TPH1: variants seen among roughly 807,000 people sequenced by gnomAD.
TPH1 encodes the protein tryptophan hydroxylase 1, also known as tryptophan 5-hydroxylase 1.
Under a neutral mutation model 49.5 loss-of-function variants are expected in TPH1, and 37 were observed. The ratio of observed to expected loss-of-function variants is 0.75; its 90% CI spans 0.58 to 0.98. The LOEUF (loss-of-function observed/expected upper bound fraction) is 0.98, where lower values mean the gene tolerates loss of function less well. Among genes scored for constraint, TPH1 ranks in the 50% least tolerant of loss-of-function variants. The pLI is 0.00. For synonymous variants in TPH1, 160 were observed against 182.1 expected (o/e 0.88, Z 0.98); for missense variants, 487 against 523.6 (o/e 0.93, Z 0.68).
At chr11:18,033,018 C>T (rs1309221834) in intron 4 of TPH1, among the ~76,000 whole-genome samples, 1 of 151,994 alleles carries the variant, frequency 6.6e-6, no homozygotes, top group Non-Finnish European at 1.5e-5. Context: ...TTTGGGAGAC[C>T]AAGGCAGGTG....
chr11:18,045,482 C>CCCT (rs1296740991), intron 1 of TPH1, among the ~76,000 whole-genome samples: 3,005 of 149,056 alleles, frequency 0.02, 100 homozygotes, highest in African/African-American at 0.072. Flanking sequence ...CCACCCCCCC[C>CCCT]TTTTTTTTTT....
At chr11:18,042,830 A>G (rs2134036444) in intron 1 of TPH1, among the ~76,000 whole-genome samples, 1 of 152,352 alleles carries the variant, frequency 6.6e-6, no homozygotes, top group African/African-American at 2.4e-5. Flanking sequence ...GCATTTTACA[A>G]GATGGTTAAC....
intron 3 of TPH1, 30 bp downstream of exon 3, chr11:18,035,929 C>T (rs1283083742): frequency 2.6e-6 from 4 of 1,564,162 alleles, no homozygotes; most frequent in Non-Finnish European, 3.5e-6. Flanking sequence ...GTTTCATCTT[C>T]TAAGTAGTAT....
chr11:18,036,010 T>C lies in TPH1; in HGVS notation c.250A>G (p.Thr84Ala). 6.2e-7 allele frequency: 1 copy of C among 1,612,696 alleles called. No homozygotes were observed. Among genetic ancestry groups the C allele is most frequent in the Non-Finnish European group, 8.5e-7 (1 of 1,179,884 alleles). Residue 84 changes from threonine (T) to alanine (A), a missense_variant, in exon 3 of 11, where the codon ACC (threonine) becomes GCC (alanine). Coordinates refer to ENST00000682019, the MANE Select transcript of TPH1 (RefSeq NM_004179.3). ...GGTAGATTCACAGAGAGAACATTGGTATGAGACTTCAGCAGATGAAAAATA... is the reference window on the plus strand; with the variant it reads ...GGTAGATTCACAGAGAGAACATTGGCATGAGACTTCAGCAGATGAAAAATA... ...NDIFHLLKSHTNVLSVNLPDN... is the reference protein window; with the variant it reads ...NDIFHLLKSHANVLSVNLPDN...
At position 18,021,073 on chromosome 11, in the gene TPH1, G is replaced by A. The variant is rs961998158; in HGVS notation, c.1253C>T (p.Thr418Ile). The A allele has an allele frequency of 6.8e-6, 11 of 1,613,974 alleles. No individual in the cohort carries two copies. The African/African-American group carries it at 1.5e-4, about 22-fold the overall frequency. The change falls in exon 11 of 11, where the codon ACC becomes ATC. Residue 418 changes from threonine to isoleucine, a missense_variant. Thr to Ile is a moderately conservative substitution (Grantham distance 89). Coordinates refer to ENST00000682019, the MANE Select transcript of TPH1 (RefSeq NM_004179.3). ...IQILKDTKSITSAMNELQHDL... is the reference protein window; with the variant it reads ...IQILKDTKSIISAMNELQHDL... Reference sequence around the variant, plus strand: ...ATGCTGCAGCTCATTCATGGCACTGGTTATGCTCTTGGTGTCTTTCAGGAT... The same window carrying A: ...ATGCTGCAGCTCATTCATGGCACTGATTATGCTCTTGGTGTCTTTCAGGAT...
chr11:18,032,359 A>C (rs1174879098), intron 4 of TPH1, among the ~76,000 whole-genome samples: 4 of 152,042 alleles, frequency 2.6e-5, no homozygotes, highest in African/African-American at 9.7e-5. Context: ...ACCCATGCTC[A>C]TTTAAATAAA....
At chr11:18,035,135 G>C (rs1267914395) in intron 3 of TPH1, among the ~76,000 whole-genome samples, 1 of 152,236 alleles carries the variant, frequency 6.6e-6, no homozygotes, top group Non-Finnish European at 1.5e-5. Context: ...CCACGGACGA[G>C]TCCCCTGCTA....
rs1848092975 is a variant in TPH1, at chr11:18,040,772, G to A, written c.-10C>T. ...TATTGTCTTCAATCATGATGAATTT[G>A]GAGTAATTCTCTAAAACTAAAGTAT... On this transcript the variant is annotated 5_prime_UTR_variant, in exon 2 of 11. Transcript: ENST00000682019. 8.7e-6 allele frequency: 14 copies of A among 1,610,658 alleles called. No homozygotes were observed. Among genetic ancestry groups the A allele is most frequent in the Non-Finnish European group, 1.1e-5 (13 of 1,178,554 alleles).
chr11:18,033,627 C>G (rs1848015056), intron 3 of TPH1, among the ~76,000 whole-genome samples: 3 of 152,014 alleles, frequency 2.0e-5, no homozygotes, highest in African/African-American at 2.4e-5. Context: ...AAATACTGTA[C>G]TTTAGAAACA....
At chr11:18,022,342 C>T (rs551431872) in intron 10 of TPH1, among the ~76,000 whole-genome samples, 1 of 152,184 alleles carries the variant, frequency 6.6e-6, no homozygotes, top group Non-Finnish European at 1.5e-5. Context: ...CATGCTAACT[C>T]TCAGTCTAAA....
chr11:18,040,220 T>G (rs1848086404), intron 2 of TPH1, among the ~76,000 whole-genome samples: 1 of 148,806 alleles, frequency 6.7e-6, no homozygotes, highest in African/African-American at 2.4e-5. Context: ...TTCTGTAAAT[T>G]GTTTGTATCC....
chr11:18,042,371 A>G (rs546788738), intron 1 of TPH1: 4 of 454,526 alleles, frequency 8.8e-6, no homozygotes, highest in Admixed American at 2.4e-5. Context: ...TACCCATTCA[A>G]TTACCACTCA....
chr11:18,044,041 T>C (rs1439772994), intron 1 of TPH1, among the ~76,000 whole-genome samples: 2 of 152,164 alleles, frequency 1.3e-5, no homozygotes, highest in Admixed American at 6.5e-5. Context: ...ATCTCCTTAG[T>C]TGGTGTGGGG....
chr11:18,029,036 C>T (rs969078500), intron 6 of TPH1, 129 bp downstream of exon 6: 5 of 642,968 alleles, frequency 7.8e-6, no homozygotes, highest in African/African-American at 4.1e-5. Context: ...GCCAAGATGG[C>T]ATCACTGTAC....
In TPH1 at chr11:18,026,596, C is replaced by A. The variant is rs1216477726; in HGVS notation, c.697G>T (p.Ala233Ser). The A allele has an allele frequency of 3.9e-5, 63 of 1,613,834 alleles. No individual in the cohort carries two copies. The highest frequency in any genetic ancestry group is 5.3e-5 in the Non-Finnish European group (63 of 1,179,954). ...ERTGFSIRPV[A>S]GYLSPRDFLS... ...AAATCTCTTGGTGATAAGTAACCAG[C>A]CACAGGACGGATGGAAAAACCTGTA... The change falls in exon 7 of 11, where the codon GCT (alanine) becomes TCT (serine). Residue 233 changes from alanine (A) to serine (S), a missense_variant. Ala to Ser is a moderately conservative substitution (Grantham distance 99). Coordinates refer to ENST00000682019, the MANE Select transcript of TPH1 (RefSeq NM_004179.3).
chr11:18,036,281 G>T, intron 2 of TPH1, 139 bp from the exon 3 acceptor site: 1 of 669,528 alleles, frequency 1.5e-6, no homozygotes, highest in Non-Finnish European at 2.5e-6. Context: ...TTTTAGTGCT[G>T]CCAACAACAA....
chr11:18,034,952 C>T (rs1272620174), intron 3 of TPH1, among the ~76,000 whole-genome samples: 3 of 152,126 alleles, frequency 2.0e-5, no homozygotes, highest in South Asian at 4.1e-4. Flanking sequence ...GAAGGAAAGA[C>T]GGGGAGGTGG....
At chr11:18,031,330 T>G (rs775683326) in intron 4 of TPH1, among the ~76,000 whole-genome samples, 12 of 152,234 alleles carry the variant, frequency 7.9e-5, no homozygotes, top group Non-Finnish European at 1.5e-4. Flanking sequence ...AATATTTGCT[T>G]ATATAAATAT....
intron 4 of TPH1, among the ~76,000 whole-genome samples, chr11:18,031,020 G>A (rs1047519771): frequency 6.6e-6 from 1 of 152,152 alleles, no homozygotes; most frequent in African/African-American, 2.4e-5. Flanking sequence ...GTGGTTTTTA[G>A]ATAGTCACAG....
Sources: gnomAD v4.1 joint callset for allele counts (sites outside exome capture counted in the v4.1 genomes callset) on GRCh38, gnomAD v4.1.1 for gene constraint, MANE v1.5 for transcripts, NCBI Gene and HGNC (gene_info 2026-07-23, HGNC 2026-07-21) for gene names.